Variants in ATP8B4 observed in about 807,000 individuals in gnomAD.
The protein encoded by ATP8B4 is probable phospholipid-transporting ATPase IM.
ATP8B4 carries 133 observed loss-of-function variants against 145.6 expected under a neutral mutation model. The ratio of observed to expected loss-of-function variants is 0.91; its 90% CI spans 0.79 to 1.05. The LOEUF is 1.05. ATP8B4 is among the 50% of genes least tolerant of loss of function. ATP8B4 has a pLI of 0.00. For synonymous variants in ATP8B4, 507 were observed against 492.9 expected, an observed-to-expected ratio of 1.03 and a Z score of -0.38; for missense variants, 1,458 against 1,425.2, an observed-to-expected ratio of 1.02 and a Z score of -0.37.
chr15:50,133,381 C>A (rs1194198440), intron 1 of ATP8B4, among the ~76,000 whole-genome samples: 2 of 151,958 alleles, frequency 1.3e-5, no homozygotes, highest in Non-Finnish European at 2.9e-5. Context: ...GAGTTTGAGA[C>A]CAGCCTGTGC....
intron 9 of ATP8B4, among the ~76,000 whole-genome samples, chr15:49,991,127 T>A (rs562735646): frequency 3.3e-5 from 5 of 152,210 alleles, no homozygotes; most frequent in African/African-American, 1.2e-4. Flanking sequence ...TGTGCTCCAG[T>A]CCAGGTGAAT....
At chr15:50,059,925 T>G (rs1029788862) in intron 3 of ATP8B4, among the ~76,000 whole-genome samples, 3 of 152,172 alleles carry the variant, frequency 2.0e-5, no homozygotes, top group Non-Finnish European at 4.4e-5. Flanking sequence ...AGAAACTGGT[T>G]TTCCCCAAAT....
rs531502003 is a variant in ATP8B4, at chr15:49,916,748, G to T, written c.2141+186C>A. Among the ~76,000 whole-genome samples the T allele has an allele frequency of 2.0e-5, 3 of 152,306 alleles. No homozygotes were observed. The East Asian group carries it at 5.8e-4, about 29-fold the overall frequency. On this transcript the variant is annotated intron_variant, in intron 20 of 27. Coordinates refer to ENST00000284509, the MANE Select transcript of ATP8B4 (RefSeq NM_024837.4). ...GGCCTGAAGACAATAATTCATTACTGATATCAGCTTCATCTCAGTTTGTCA... is the reference window on the plus strand; with the variant it reads ...GGCCTGAAGACAATAATTCATTACTTATATCAGCTTCATCTCAGTTTGTCA...
intron 20 of ATP8B4, among the ~76,000 whole-genome samples, chr15:49,912,807 G>A (rs1342543596): frequency 1.3e-5 from 2 of 152,108 alleles, no homozygotes; most frequent in Non-Finnish European, 2.9e-5. Flanking sequence ...CAGCAGGCTT[G>A]AGTGTGGTGG....
intron 25 of ATP8B4, among the ~76,000 whole-genome samples, chr15:49,869,066 G>A (rs1009891108): frequency 6.6e-6 from 1 of 152,028 alleles, no homozygotes; most frequent in Non-Finnish European, 1.5e-5. Context: ...GCGCCACCAT[G>A]CCTGGCTAAT....
intron 17 of ATP8B4, chr15:49,922,497 T>A (rs1324384488): frequency 5.3e-6 from 2 of 376,110 alleles, no homozygotes; most frequent in African/African-American, 4.3e-5. Flanking sequence ...CATCATTTTT[T>A]AAATTTAAAG....
At chr15:49,922,285 G>C in intron 17 of ATP8B4, 1 of 319,754 alleles carries the variant, frequency 3.1e-6, no homozygotes, top group Non-Finnish European at 6.1e-6. Flanking sequence ...CTATAGTTTA[G>C]TATTAAAGGA....
intron 27 of ATP8B4, 93 bp from the exon 28 acceptor site, chr15:49,860,568 ATAAG>A: frequency 1.5e-6 from 2 of 1,346,988 alleles, no homozygotes; most frequent in Non-Finnish European, 2.0e-6. Context: ...TTTTTTTTTT[ATAAG>A]TAAAAACAAC....
intron 1 of ATP8B4, among the ~76,000 whole-genome samples, chr15:50,116,347 G>A (rs771234903): frequency 6.6e-6 from 1 of 152,164 alleles, no homozygotes; most frequent in Non-Finnish European, 1.5e-5. Context: ...TTGGGACACT[G>A]AGGGAATAGA....
At chr15:50,105,403 C>T (rs981781142) in intron 2 of ATP8B4, among the ~76,000 whole-genome samples, 6 of 152,042 alleles carry the variant, frequency 3.9e-5, no homozygotes, top group Non-Finnish European at 8.8e-5. Context: ...GCGTGTTCAT[C>T]ATATCATTCT....
At chr15:50,157,198 G>A (rs780631695) in intron 1 of ATP8B4, among the ~76,000 whole-genome samples, 3 of 152,130 alleles carry the variant, frequency 2.0e-5, no homozygotes, top group Admixed American at 6.5e-5. Flanking sequence ...TGCCAGAAAA[G>A]ATAGAAAGTT....
chr15:49,935,637 C>A lies in ATP8B4; in HGVS notation c.1288-1455G>T, dbSNP rs117572627. On this transcript the variant is annotated intron_variant, in intron 14 of 27. Transcript: ENST00000284509. ...CATGCCCCCACCTCCATCACCACAG[C>A]CCCAGTCCCACTCCCCAGAGAAAAT... 4.6e-5 allele frequency among the ~76,000 whole-genome samples: 7 copies of A among 152,142 alleles called. No individual in the cohort carries two copies. The East Asian group carries it at 1.4e-3, about 29-fold the overall frequency.
chr15:49,939,345 T>C (rs1435468186), intron 14 of ATP8B4, among the ~76,000 whole-genome samples: 1 of 151,638 alleles, frequency 6.6e-6, no homozygotes, highest in African/African-American at 2.4e-5. Flanking sequence ...ACAAGATTGA[T>C]AGACCACTAG....
chr15:49,866,289 T>C, intron 26 of ATP8B4, 57 bp downstream of exon 26: 3 of 1,562,548 alleles, frequency 1.9e-6, no homozygotes, highest in Non-Finnish European at 2.6e-6. Context: ...AAATAAATTA[T>C]AAGACAAGTA....
intron 13 of ATP8B4, among the ~76,000 whole-genome samples, chr15:49,970,590 G>C (rs2045016980): frequency 6.6e-6 from 1 of 152,126 alleles, no homozygotes; most frequent in African/African-American, 2.4e-5. Flanking sequence ...TTTTCAAGGA[G>C]AGCTACAAAC....
chr15:50,051,506 G>A (rs2052183885), intron 3 of ATP8B4, among the ~76,000 whole-genome samples: 1 of 152,162 alleles, frequency 6.6e-6, no homozygotes, highest in South Asian at 2.1e-4. Flanking sequence ...GCACATTAAT[G>A]TACTGAAAAC....
chr15:50,023,035 G>C (rs1170563262), intron 6 of ATP8B4, among the ~76,000 whole-genome samples: 1 of 152,066 alleles, frequency 6.6e-6, no homozygotes, highest in East Asian at 1.9e-4. Flanking sequence ...CCAGAAAGTT[G>C]CCCTTTTAAT....
intron 1 of ATP8B4, among the ~76,000 whole-genome samples, chr15:50,159,978 C>G (rs893858815): frequency 4.9e-5 from 4 of 82,312 alleles, no homozygotes; most frequent in African/African-American, 1.4e-4. Flanking sequence ...ATTGGTTCTT[C>G]TTTAAATATT....
chr15:50,127,737 C>T (rs1171650553), intron 1 of ATP8B4, among the ~76,000 whole-genome samples: 1 of 152,182 alleles, frequency 6.6e-6, no homozygotes, highest in Non-Finnish European at 1.5e-5. Flanking sequence ...GTTAAAGCAT[C>T]GGATGGCAGG....
Sources: gnomAD v4.1 joint callset for allele counts (sites outside exome capture counted in the v4.1 genomes callset) on GRCh38, gnomAD v4.1.1 for gene constraint, MANE v1.5 for transcripts, NCBI Gene and HGNC (gene_info 2026-07-23, HGNC 2026-07-21) for gene names.